PCDHAC1: variants seen among roughly 807,000 people sequenced by gnomAD.
PCDHAC1 encodes protocadherin alpha-C1.
A neutral mutation model predicts 60.0 loss-of-function variants in PCDHAC1; 42 were observed. That is an observed-to-expected ratio of 0.70 (90% CI 0.55 to 0.90). The LOEUF (loss-of-function observed/expected upper bound fraction) is 0.90. Ranked by LOEUF, PCDHAC1 falls within the 40% of genes least tolerant of loss-of-function variation. The pLI is 0.00. For synonymous variants in PCDHAC1, 468 were observed against 499.3 expected, an observed-to-expected ratio of 0.94 and a Z score of 0.84; for missense variants, 1,160 against 1,222.3, an observed-to-expected ratio of 0.95 and a Z score of 0.76.
chr5:140,934,709 C>T (rs991669354), intron 1 of PCDHAC1, among the ~76,000 whole-genome samples: 2 of 152,084 alleles, frequency 1.3e-5, no homozygotes, highest in Non-Finnish European at 1.5e-5. Flanking sequence ...GGCCATCTTA[C>T]AAAAAGGACC....
chr5:140,931,585 A>G (rs1170746678), intron 1 of PCDHAC1, among the ~76,000 whole-genome samples: 2 of 152,056 alleles, frequency 1.3e-5, no homozygotes, highest in Non-Finnish European at 2.9e-5. Context: ...ATTCAGTTGA[A>G]CAGTCTTTTT....
At chr5:140,990,507 T>C (rs1554251511) in intron 3 of PCDHAC1, among the ~76,000 whole-genome samples, 1 of 152,158 alleles carries the variant, frequency 6.6e-6, no homozygotes, top group East Asian at 1.9e-4. Context: ...CCCCAAGTCT[T>C]CTCTCTTGTC....
chr5:140,979,619 G>A (rs1344525241), intron 2 of PCDHAC1, among the ~76,000 whole-genome samples: 1 of 152,164 alleles, frequency 6.6e-6, no homozygotes, highest in African/African-American at 2.4e-5. Context: ...AACGGTATTA[G>A]TCTAAGACTC....
rs200161334 is a variant in PCDHAC1, at chr5:140,967,904, C to T, written c.2434-11045C>T. ...TAGCCCAGTGCCTGAGAATGCTACACCCAACACCATTGTGGCCGTTCTCAG... is the reference window on the plus strand; with the variant it reads ...TAGCCCAGTGCCTGAGAATGCTACATCCAACACCATTGTGGCCGTTCTCAG... On this transcript the variant is annotated intron_variant, in intron 1 of 3. Coordinates refer to ENST00000253807, the MANE Select transcript of PCDHAC1 (RefSeq NM_018898.5). The T allele has an allele frequency of 3.3e-5, 53 of 1,614,164 alleles. No individual in the cohort carries two copies. In the East Asian group the frequency reaches 9.1e-4, roughly 28 times the overall value.
chr5:141,000,618 G>A (rs1354281260), intron 3 of PCDHAC1, among the ~76,000 whole-genome samples: 1 of 150,858 alleles, frequency 6.6e-6, no homozygotes, highest in Non-Finnish European at 1.5e-5. Flanking sequence ...AGTAGAGACA[G>A]GGTTTCACCA....
intron 1 of PCDHAC1, chr5:140,967,306 C>A (rs1554229415): frequency 1.2e-6 from 2 of 1,612,350 alleles, no homozygotes; most frequent in Non-Finnish European, 1.7e-6. Context: ...TGGGCGCCAA[C>A]TCAGTACAGA....
intron 3 of PCDHAC1, among the ~76,000 whole-genome samples, chr5:140,998,936 A>G (rs1328813980): frequency 6.6e-5 from 10 of 152,246 alleles, no homozygotes; most frequent in African/African-American, 2.4e-4. Flanking sequence ...TTACAGATGA[A>G]GAAACTGTAA....
Position 140,927,123 on chromosome 5 carries a change from C to T in PCDHAC1, c.231C>T (p.Val77=), listed in dbSNP as rs2083865957. 1 of 1,613,986 alleles carries T rather than the reference C, an allele frequency of 6.2e-7. No individual in the cohort carries two copies. The highest frequency in any genetic ancestry group is 8.5e-7 in the Non-Finnish European group (1 of 1,179,934). The change falls in exon 1 of 4, where the codon GTC becomes GTT. Residue 77 remains valine (V), a synonymous_variant. Transcript: ENST00000253807. The part of the protein sequence containing the change: ...GVDLPSGNLV[V]REPADREQLC... ...ATCTACCCAGCGGCAATTTGGTGGTCAGAGAGCCGGCGGACCGCGAACAGC... is the reference window on the plus strand; with the variant it reads ...ATCTACCCAGCGGCAATTTGGTGGTTAGAGAGCCGGCGGACCGCGAACAGC...
At chr5:140,993,462 T>TCACA (rs3836747) in intron 3 of PCDHAC1, among the ~76,000 whole-genome samples, 8,584 of 140,952 alleles carry the variant, frequency 0.061, 300 homozygotes, top group Admixed American at 0.12. Flanking sequence ...TCTTTCTTTC[T>TCACA]CACACACACA....
At position 141,010,264 on chromosome 5, in the gene PCDHAC1, G is replaced by A. The variant is rs1265692233; in HGVS notation, c.*327G>A. On this transcript the variant is annotated 3_prime_UTR_variant, in exon 4 of 4. Transcript: ENST00000253807. ...GGTTGGACTCTCTGCCCTGTGCTCC[G>A]GGGATCCTGTCTTGATGACACTTGC... The A allele has an allele frequency of 1.4e-5, 22 of 1,551,586 alleles. No individual in the cohort carries two copies. The highest frequency in any genetic ancestry group is 1.1e-4 in the South Asian group (9 of 84,060).
chr5:140,979,122 T>C (rs1271679977), intron 2 of PCDHAC1, 115 bp downstream of exon 2: 2 of 1,493,778 alleles, frequency 1.3e-6, no homozygotes, highest in African/African-American at 2.8e-5. Flanking sequence ...TTAGGTACTT[T>C]GCCAGGAAAA....
chr5:140,929,129 C>T lies in PCDHAC1; in HGVS notation c.2237C>T (p.Thr746Ile), dbSNP rs1206531954. Residue 746 changes from threonine (T) to isoleucine (I), a missense_variant, in exon 1 of 4, where the codon ACA becomes ATA. Thr to Ile is a moderately conservative substitution (Grantham distance 89, BLOSUM62 -1). This residue lies in a region of PCDHAC1 where 1,113 missense variants were observed against 1,163.7 expected (regional missense o/e 0.96). Coordinates refer to ENST00000253807, the MANE Select transcript of PCDHAC1 (RefSeq NM_018898.5). ...CMTSATIDVT[T>I]VERLSQTYLY... ...ACATCAGCCACCATAGATGTCACTA[C>T]AGTTGAGAGACTTTCTCAGACTTAT... The T allele has an allele frequency of 6.2e-7, 1 of 1,614,052 alleles. No individual in the cohort carries two copies. The highest frequency in any genetic ancestry group is 1.1e-5 in the South Asian group (1 of 91,086).
intron 1 of PCDHAC1, among the ~76,000 whole-genome samples, chr5:140,960,656 G>T (rs553083977): frequency 1.3e-5 from 2 of 152,218 alleles, no homozygotes; most frequent in Admixed American, 1.3e-4. Context: ...CCAAATCAAT[G>T]AATGCTTTGG....
intron 1 of PCDHAC1, among the ~76,000 whole-genome samples, chr5:140,942,993 AT>A (rs1228666837): frequency 3.3e-5 from 5 of 152,166 alleles, no homozygotes; most frequent in African/African-American, 1.2e-4. Context: ...GTGGTGGCTC[AT>A]GCCTGTAATC....
intron 1 of PCDHAC1, chr5:140,966,770 G>C: frequency 2.0e-6 from 3 of 1,500,088 alleles, no homozygotes; most frequent in Non-Finnish European, 2.7e-6. Flanking sequence ...AGTGGCTATG[G>C]AGCAGGCGGG....
intron 1 of PCDHAC1, among the ~76,000 whole-genome samples, chr5:140,946,637 G>T: frequency 1.5e-5 from 1 of 64,620 alleles, no homozygotes; most frequent in African/African-American, 1.0e-4. Flanking sequence ...TATATACAAT[G>T]GAATACTCAT....
chr5:141,003,044 T>C (rs1459180030), intron 3 of PCDHAC1, among the ~76,000 whole-genome samples: 1 of 152,230 alleles, frequency 6.6e-6, no homozygotes, highest in African/African-American at 2.4e-5. Flanking sequence ...CCTCCTGGCC[T>C]TAACAGAACA....
chr5:140,952,615 C>T (rs572552032), intron 1 of PCDHAC1, among the ~76,000 whole-genome samples: 1 of 152,288 alleles, frequency 6.6e-6, no homozygotes, highest in East Asian at 1.9e-4. Context: ...TCTCCCTCAT[C>T]TTCCCTCCAC....
rs782706939 is a variant in PCDHAC1 at position 140,967,257 on chromosome 5, G to C, written c.2434-11692G>C. ...CAGGTAAGCGAATCGGTGGCGCCTG[G>C]AGCGCGCTTTCACATAGAGAGTGCG... is the stretch of plus-strand genomic sequence containing the variant. On this transcript the variant is annotated intron_variant, in intron 1 of 3. Coordinates refer to ENST00000253807, the MANE Select transcript of PCDHAC1 (RefSeq NM_018898.5). 1.9e-6 allele frequency: 3 copies of C among 1,613,486 alleles called. No individual in the cohort carries two copies. The highest frequency in any genetic ancestry group is 1.3e-5 in the African/African-American group (1 of 75,062).
Sources: gnomAD v4.1 joint callset for allele counts (sites outside exome capture counted in the v4.1 genomes callset) on GRCh38, gnomAD v4.1.1 for gene constraint, gnomAD v4.1.1 regional missense constraint, MANE v1.5 for transcripts, NCBI Gene and HGNC (gene_info 2026-07-23, HGNC 2026-07-21) for gene names.